Variants in TAF8 observed in about 807,000 individuals in gnomAD.
TAF8 encodes transcription initiation factor TFIID subunit 8.
TAF8 carries 47 observed loss-of-function variants against 36.5 expected under a neutral mutation model. The ratio of observed to expected loss-of-function variants is 1.29; its 90% confidence interval spans 1.02 to 1.64. The LOEUF (loss-of-function observed/expected upper bound fraction) is 1.64. Among genes scored for constraint, TAF8 ranks in the 40% most tolerant of loss-of-function variants. The pLI is 0.00. For synonymous variants in TAF8, 175 were observed against 159.5 expected, an observed-to-expected ratio of 1.10 and a Z score of -0.73; for missense variants, 420 against 407.6, an observed-to-expected ratio of 1.03 and a Z score of -0.26.
chr6:42,052,803 A>T (rs1764842634), intron 2 of TAF8, among the ~76,000 whole-genome samples: 1 of 152,086 alleles, frequency 6.6e-6, no homozygotes, highest in Non-Finnish European at 1.5e-5. Context: ...GAAGTAGGAG[A>T]AAGGTTTGGG....
chr6:42,062,041 C>G (rs1765208804), intron 5 of TAF8, among the ~76,000 whole-genome samples: 1 of 152,162 alleles, frequency 6.6e-6, no homozygotes, highest in African/African-American at 2.4e-5. Context: ...TCTGTCTCTT[C>G]TCTCCCTCTC....
At chr6:42,059,632 A>G (rs189978335) in intron 5 of TAF8, among the ~76,000 whole-genome samples, 4 of 152,320 alleles carry the variant, frequency 2.6e-5, no homozygotes, top group Admixed American at 2.6e-4. Flanking sequence ...TTAGTCCTAC[A>G]AAGGCAATCT....
chr6:42,055,491 GGAACTGA>G (rs764697927), intron 2 of TAF8, 33 bp from the exon 3 acceptor site: 3 of 1,361,086 alleles, frequency 2.2e-6, no homozygotes, highest in Non-Finnish European at 3.2e-6. Flanking sequence ...AACTTTCTGA[GGAACTGA>G]GAATAAGTTT....
intron 5 of TAF8, among the ~76,000 whole-genome samples, chr6:42,061,848 G>T (rs372856874): frequency 6.9e-6 from 1 of 145,176 alleles, no homozygotes; most frequent in Non-Finnish European, 1.5e-5. Flanking sequence ...TGGAAAGTTT[G>T]TCAAATATCA....
chr6:42,076,404 C>G (rs970334400), intron 7 of TAF8, among the ~76,000 whole-genome samples: 15 of 152,134 alleles, frequency 9.9e-5, no homozygotes, highest in African/African-American at 3.1e-4. Context: ...GAGCCGAGAT[C>G]ACGCCACTGC....
At position 42,077,759 on chromosome 6, in the gene TAF8, T is replaced by A. The variant is rs1765804295; in HGVS notation, c.*214T>A. 5 of 1,401,940 alleles carry A rather than the reference T, an allele frequency of 3.6e-6. No individual in the cohort carries two copies. In the African/African-American group the frequency reaches 4.4e-5, roughly 12 times the overall value. The allele number at this position is 1,401,940 out of a possible 1,614,324, so 86.8% of individuals were successfully genotyped here. A position where few individuals can be genotyped will look rare whatever the true frequency, so the allele number is the denominator to read the frequency against. ...AAGATATGAACAGAATAATGAGAATTTTTTTTTTTATTTTGAGATGGAGTC... is the reference window on the plus strand; with the variant it reads ...AAGATATGAACAGAATAATGAGAATATTTTTTTTTATTTTGAGATGGAGTC... On this transcript the variant is annotated 3_prime_UTR_variant, in exon 9 of 9. Coordinates refer to ENST00000372977, the MANE Select transcript of TAF8 (RefSeq NM_138572.3).
chr6:42,077,267 C>A (rs1489766224), intron 8 of TAF8, 28 bp downstream of exon 8: 1 of 1,602,670 alleles, frequency 6.2e-7, no homozygotes, highest in South Asian at 1.1e-5. Context: ...GTCCAGAGAG[C>A]CTTCACTGTC....
Position 42,056,042 on chromosome 6 carries a change from G to C in TAF8, c.364+28G>C, listed in dbSNP as rs775832484. The C allele has an allele frequency of 2.9e-5, 44 of 1,498,584 alleles. 1 individual carries two copies. The South Asian group carries it at 5.0e-4, about 17-fold the overall frequency. 92.8% of individuals were successfully genotyped at this position (1,498,584 alleles called of 1,614,324 possible). On this transcript the variant is annotated intron_variant, in intron 4 of 8. Coordinates refer to ENST00000372977, the MANE Select transcript of TAF8 (RefSeq NM_138572.3). ...AAGTGACTTTGAACTGAGGTACTTA[G>C]CAATTTTTCAATTAATGCTTGTGGA...
At chr6:42,050,762 A>C in intron 1 of TAF8, 176 bp downstream of exon 1, 1 of 961,668 alleles carries the variant, frequency 1.0e-6, no homozygotes, top group Non-Finnish European at 1.5e-6. Flanking sequence ...CGGCCTCCGG[A>C]GTTGGCGGAC....
At chr6:42,055,697 T>C (rs1764960353) in intron 3 of TAF8, 68 bp downstream of exon 3, 7 of 1,243,610 alleles carry the variant, frequency 5.6e-6, no homozygotes, top group Non-Finnish European at 7.1e-6. Context: ...ATCAGGCATG[T>C]CTGCTAAGTG....
chr6:42,069,022 T>C (rs928374431), intron 7 of TAF8, among the ~76,000 whole-genome samples: 3 of 151,090 alleles, frequency 2.0e-5, no homozygotes, highest in African/African-American at 7.3e-5. Flanking sequence ...TGTCTGGGGG[T>C]GGAGCCATTC....
At chr6:42,063,291 T>A (rs1389371085) in intron 5 of TAF8, 1 of 151,852 alleles carries the variant, frequency 6.6e-6, no homozygotes, top group Non-Finnish European at 1.5e-5. Context: ...ACCTCCCGAG[T>A]AGCTGGGACT....
At chr6:42,057,126 G>A (rs1204899360) in intron 4 of TAF8, among the ~76,000 whole-genome samples, 2 of 152,196 alleles carry the variant, frequency 1.3e-5, no homozygotes, top group African/African-American at 2.4e-5. Context: ...GTTTTACGTA[G>A]TTACTGTGGC....
rs762292999 is a variant in TAF8 at position 42,055,965 on chromosome 6, C to CACT, written c.316_318dup (p.Thr106dup). On this transcript the variant is annotated inframe_insertion, in exon 4 of 9. Transcript: ENST00000372977. Reference sequence around the variant, plus strand: ...CCTGTCTCTTAGGTTTCAATGTGGACACTCTCCCTGCTTATGCAAAACGGT... The same window carrying CACT: ...CCTGTCTCTTAGGTTTCAATGTGGACACTACTCTCCCTGCTTATGCAAAACGGT... The CACT allele has an allele frequency of 6.2e-7, 1 of 1,612,558 alleles. No homozygotes were observed. The highest frequency in any genetic ancestry group is 1.1e-5 in the South Asian group (1 of 91,050).
At chr6:42,072,796 C>T (rs796736820) in intron 7 of TAF8, among the ~76,000 whole-genome samples, 6 of 151,994 alleles carry the variant, frequency 3.9e-5, no homozygotes, top group East Asian at 3.9e-4. Flanking sequence ...GATCTCGGCT[C>T]GCTGCAAGCT....
chr6:42,080,145 A>T lies in TAF8; in HGVS notation c.*2600A>T. ...TCAGTTCTTAGCGATTCTTGGCCTGATAAGTTTATGAACACAGCCCCACAT... is the reference window on the plus strand; with the variant it reads ...TCAGTTCTTAGCGATTCTTGGCCTGTTAAGTTTATGAACACAGCCCCACAT... On this transcript the variant is annotated 3_prime_UTR_variant, in exon 9 of 9. Coordinates refer to ENST00000372977, the MANE Select transcript of TAF8 (RefSeq NM_138572.3). The T allele has an allele frequency of 2.0e-6, 2 of 985,322 alleles. No homozygotes were observed. Among genetic ancestry groups the T allele is most frequent in the Non-Finnish European group, 2.4e-6 (2 of 829,954 alleles). The allele number at this position is 985,322 out of a possible 1,614,324, so 61.0% of individuals were successfully genotyped here. A position where few individuals can be genotyped will look rare whatever the true frequency, so the allele number is the denominator to read the frequency against.
In TAF8 at chr6:42,079,917, C is replaced by T; in HGVS notation, c.*2372C>T. On this transcript the variant is annotated 3_prime_UTR_variant, in exon 9 of 9. Coordinates refer to ENST00000372977, the MANE Select transcript of TAF8 (RefSeq NM_138572.3). ...CTTGAAAAACTTGGGGACTTGACAG[C>T]AGGCTCCATGTTCTTCTGGCCTCAC... is the stretch of plus-strand genomic sequence containing the variant. 1 of 985,092 alleles carries T rather than the reference C, an allele frequency of 1.0e-6. No individual in the cohort carries two copies. The allele number at this position is 985,092 out of a possible 1,614,324, so 61.0% of individuals were successfully genotyped here. A position where few individuals can be genotyped will look rare whatever the true frequency, so the allele number is the denominator to read the frequency against.
At chr6:42,074,015 G>A (rs1192261382) in intron 7 of TAF8, among the ~76,000 whole-genome samples, 1 of 152,174 alleles carries the variant, frequency 6.6e-6, no homozygotes, top group Non-Finnish European at 1.5e-5. Flanking sequence ...AGTGTGCCAG[G>A]TGTGGTGGTG....
rs1765965662 is a variant in TAF8, at chr6:42,083,024, T to G, written c.*5479T>G. On this transcript the variant is annotated 3_prime_UTR_variant, in exon 9 of 9. Transcript: ENST00000372977. ...GTTATTTAATTTTGAAGAGATAATA[T>G]ATGTATACAGTATAAAATTTAAAAG... 1 of 152,162 alleles carries G rather than the reference T, an allele frequency of 6.6e-6. No individual in the cohort carries two copies. The allele number at this position is 152,162 out of a possible 1,614,324, so 9.4% of individuals were successfully genotyped here.
Sources: allele counts gnomAD v4.1 joint callset (sites outside exome capture counted in the v4.1 genomes callset), GRCh38; gene constraint gnomAD v4.1.1; transcripts MANE v1.5; gene names NCBI Gene and HGNC (gene_info 2026-07-23, HGNC 2026-07-21).